CACNA2D3: variants seen among roughly 807,000 people sequenced by gnomAD.
CACNA2D3 encodes calcium voltage-gated channel auxiliary subunit alpha2delta 3.
CACNA2D3 carries 60 observed loss-of-function variants against 160.6 expected under a neutral mutation model. That is an observed-to-expected ratio of 0.37 (90% confidence interval 0.30 to 0.46). The LOEUF (loss-of-function observed/expected upper bound fraction) is 0.46, where lower values mean the gene tolerates loss of function less well. CACNA2D3 is among the 20% of genes least tolerant of loss of function. CACNA2D3 has a pLI of 1.00. For synonymous variants in CACNA2D3, 558 were observed against 492.9 expected, an observed-to-expected ratio of 1.13 and a Z score of -1.75; for missense variants, 1,205 against 1,365.0, an observed-to-expected ratio of 0.88 and a Z score of 1.85.
chr3:54,348,724 TG>T (rs1448726756), intron 3 of CACNA2D3, among the ~76,000 whole-genome samples: 2 of 152,206 alleles, frequency 1.3e-5, no homozygotes, highest in Non-Finnish European at 2.9e-5. Context: ...TTGTGACTGT[TG>T]TTTTTTTATT....
chr3:54,894,512 AT>A, intron 25 of CACNA2D3: 1 of 461,898 alleles, frequency 2.2e-6, no homozygotes, highest in Non-Finnish European at 4.4e-6. Flanking sequence ...CCAAGCCACC[AT>A]CTCATCTACC....
At chr3:54,234,471 C>T (rs1453710521) in intron 2 of CACNA2D3, among the ~76,000 whole-genome samples, 1 of 152,148 alleles carries the variant, frequency 6.6e-6, no homozygotes, top group East Asian at 1.9e-4. Context: ...GAGCTAAAAA[C>T]AGAACTGCCA....
In CACNA2D3 at chr3:55,074,095, C is replaced by T. The variant is rs1389371472; in HGVS notation, c.3184-19C>T. 1 of 1,604,068 alleles carries T rather than the reference C, an allele frequency of 6.2e-7. No individual in the cohort carries two copies. Among genetic ancestry groups the T allele is most frequent in the Non-Finnish European group, 8.5e-7 (1 of 1,170,702 alleles). On this transcript the variant is annotated intron_variant, in intron 37 of 37. Transcript: ENST00000474759. ...CTGGAGTCTATTTCCGTCTAACCAA[C>T]CCCTGCCTTTCCCCATAGGAGAATG... is the stretch of plus-strand genomic sequence containing the variant.
intron 4 of CACNA2D3, 98 bp from the exon 5 acceptor site, chr3:54,503,394 C>A: frequency 2.0e-6 from 2 of 1,020,736 alleles, no homozygotes; most frequent in South Asian, 2.9e-5. Flanking sequence ...TCAGGGTCCA[C>A]AGTGTAAGGG....
At chr3:54,594,440 CAT>C (rs1299713769) in intron 9 of CACNA2D3, among the ~76,000 whole-genome samples, 3 of 152,252 alleles carry the variant, frequency 2.0e-5, no homozygotes, top group Non-Finnish European at 4.4e-5. Context: ...AAATAAATAA[CAT>C]AACATTAGCA....
intron 4 of CACNA2D3, among the ~76,000 whole-genome samples, chr3:54,492,476 G>A (rs572855249): frequency 4.6e-5 from 7 of 151,984 alleles, no homozygotes; most frequent in South Asian, 2.1e-4. Flanking sequence ...TACTTATAGC[G>A]TGATCTTCCT....
intron 3 of CACNA2D3, among the ~76,000 whole-genome samples, chr3:54,383,559 A>G (rs1276483323): frequency 6.6e-6 from 1 of 152,208 alleles, no homozygotes; most frequent in Non-Finnish European, 1.5e-5. Flanking sequence ...AAATATCTTC[A>G]TGGATGGAGA....
At chr3:54,553,358 C>T (rs946596180) in intron 5 of CACNA2D3, among the ~76,000 whole-genome samples, 2 of 152,216 alleles carry the variant, frequency 1.3e-5, no homozygotes, top group Admixed American at 6.5e-5. Context: ...CAACCATTCT[C>T]GTCTTGAATT....
At chr3:55,005,711 A>G (rs1703080094) in intron 32 of CACNA2D3, among the ~76,000 whole-genome samples, 1 of 152,256 alleles carries the variant, frequency 6.6e-6, no homozygotes, top group Non-Finnish European at 1.5e-5. Context: ...CAAATTAAAA[A>G]TATAATTTAC....
At chr3:54,600,028 A>AT (rs1703033610) in intron 9 of CACNA2D3, among the ~76,000 whole-genome samples, 1 of 152,000 alleles carries the variant, frequency 6.6e-6, no homozygotes. Context: ...CGGAGTTTTT[A>AT]TTTTTTTGCC....
At chr3:54,755,152 C>T (rs990837039) in intron 12 of CACNA2D3, among the ~76,000 whole-genome samples, 3 of 152,190 alleles carry the variant, frequency 2.0e-5, no homozygotes, top group Admixed American at 6.6e-5. Flanking sequence ...ATATCTTTTC[C>T]GTTTGAGGCT....
intron 4 of CACNA2D3, among the ~76,000 whole-genome samples, chr3:54,490,497 G>A (rs1701091787): frequency 6.6e-6 from 1 of 152,208 alleles, no homozygotes; most frequent in South Asian, 2.1e-4. Context: ...GAGAGAGTGG[G>A]AAGGCTCTTC....
intron 11 of CACNA2D3, among the ~76,000 whole-genome samples, chr3:54,748,412 A>G (rs1575455508): frequency 6.6e-6 from 1 of 152,126 alleles, no homozygotes; most frequent in East Asian, 1.9e-4. Flanking sequence ...TGTTTGTTCC[A>G]TTGGGGAAGT....
At chr3:54,689,611 C>T (rs1347626876) in intron 11 of CACNA2D3, among the ~76,000 whole-genome samples, 1 of 152,134 alleles carries the variant, frequency 6.6e-6, no homozygotes, top group Non-Finnish European at 1.5e-5. Flanking sequence ...CCCTCCTTCT[C>T]ACTGCACAGA....
intron 9 of CACNA2D3, among the ~76,000 whole-genome samples, chr3:54,616,303 G>A (rs1372135044): frequency 6.6e-6 from 1 of 152,084 alleles, no homozygotes; most frequent in Admixed American, 6.5e-5. Context: ...TATGGCTCTT[G>A]GAAAGAGACT....
chr3:54,896,609 G>T (rs1341363615), intron 25 of CACNA2D3, 140 bp from the exon 26 acceptor site: 6 of 884,116 alleles, frequency 6.8e-6, no homozygotes, highest in Non-Finnish European at 9.1e-6. Context: ...GTTAAGTGAG[G>T]CCCCCTCTAT....
At chr3:54,184,700 G>A (rs78820658) in intron 2 of CACNA2D3, among the ~76,000 whole-genome samples, 7,993 of 152,240 alleles carry the variant, frequency 0.053, 209 homozygotes, top group Admixed American at 0.091. Context: ...GGGGACATGA[G>A]GTTCTTCAGT....
Position 54,571,612 on chromosome 3 carries a change from A to AGTGTGT in CACNA2D3, c.888+1550_888+1555dup, listed in dbSNP as rs58652360. On this transcript the variant is annotated intron_variant, in intron 8 of 37. Transcript: ENST00000474759. ...CTTTGAGTCCTTGAGCACTTAACCA[A>AGTGTGT]GTGTGTGTGTGTGTGTGTGTGTGTG... Among the ~76,000 whole-genome samples the AGTGTGT allele has an allele frequency of 2.6e-3, 361 of 136,304 alleles. 2 individuals are homozygous for AGTGTGT. Among genetic ancestry groups the AGTGTGT allele is most frequent in the East Asian group, 0.013 (59 of 4,494 alleles). The allele number at this position is 136,304 out of a possible 152,430, so 89.4% of individuals were successfully genotyped here. A position where few individuals can be genotyped will look rare whatever the true frequency, so the allele number is the denominator to read the frequency against.
At chr3:55,007,687 A>G (rs1553629013) in intron 32 of CACNA2D3, 103 bp from the exon 33 acceptor site, 10 of 711,262 alleles carry the variant, frequency 1.4e-5, no homozygotes, top group South Asian at 1.9e-5. Context: ...CATGATATCA[A>G]TCTCTCTAGA....
Sources: gnomAD v4.1 joint callset for allele counts (sites outside exome capture counted in the v4.1 genomes callset) on GRCh38, gnomAD v4.1.1 for gene constraint, MANE v1.5 for transcripts, NCBI Gene and HGNC (gene_info 2026-07-23, HGNC 2026-07-21) for gene names.